PTPRD: variants seen among roughly 807,000 people sequenced by gnomAD.
The protein encoded by PTPRD is receptor-type tyrosine-protein phosphatase delta.
PTPRD carries 34 observed loss-of-function variants against 214.5 expected under a neutral mutation model. The observed-to-expected ratio is 0.16, with a 90% CI of 0.12 to 0.21. The LOEUF is 0.21. PTPRD is among the 10% of genes least tolerant of loss of function. PTPRD has a pLI of 1.00. For synonymous variants in PTPRD, 1,128 were observed against 845.7 expected, an observed-to-expected ratio of 1.33 and a Z score of -5.79; for missense variants, 2,545 against 2,398.7, an observed-to-expected ratio of 1.06 and a Z score of -1.27.
chr9:8,819,552 T>C (rs866071422), intron 11 of PTPRD, among the ~76,000 whole-genome samples: 2 of 152,130 alleles, frequency 1.3e-5, no homozygotes, highest in African/African-American at 4.8e-5. Context: ...TCCCAGCTAC[T>C]TGAGAGGCTG....
At chr9:9,280,220 T>C (rs1308783446) in intron 9 of PTPRD, among the ~76,000 whole-genome samples, 7 of 151,252 alleles carry the variant, frequency 4.6e-5, no homozygotes, top group African/African-American at 4.8e-5. Flanking sequence ...AGAATCCATA[T>C]TGTGAAGGCA....
intron 2 of PTPRD, among the ~76,000 whole-genome samples, chr9:10,476,457 A>T (rs1303886799): frequency 1.3e-5 from 2 of 152,178 alleles, no homozygotes; most frequent in African/African-American, 4.8e-5. Flanking sequence ...TTCAAGGAGA[A>T]CTACAATCCA....
At chr9:10,105,396 G>A (rs1229014022) in intron 3 of PTPRD, among the ~76,000 whole-genome samples, 1 of 151,862 alleles carries the variant, frequency 6.6e-6, no homozygotes, top group Admixed American at 6.6e-5. Context: ...AGGTAGAAAA[G>A]CTACATTTAG....
At chr9:9,001,525 C>A (rs1229669350) in intron 11 of PTPRD, among the ~76,000 whole-genome samples, 1 of 151,964 alleles carries the variant, frequency 6.6e-6, no homozygotes, top group African/African-American at 2.4e-5. Context: ...ATAAATGGCA[C>A]CACAGGCTTC....
chr9:10,231,989 A>AGAGAGAGAGAGAGAGAGAGTGT (rs1245284728), intron 3 of PTPRD, among the ~76,000 whole-genome samples: 1 of 92,436 alleles, frequency 1.1e-5, no homozygotes, highest in African/African-American at 5.3e-5. Flanking sequence ...AGAGAGAGAG[A>AGAGAGAGAGAGAGAGAGAGTGT]GTGTGTGTGT....
At chr9:8,589,826 T>C (rs2093960636) in intron 14 of PTPRD, among the ~76,000 whole-genome samples, 2 of 152,180 alleles carry the variant, frequency 1.3e-5, no homozygotes, top group African/African-American at 4.8e-5. Flanking sequence ...TTATAATGTT[T>C]TGTAGATTGC....
intron 8 of PTPRD, among the ~76,000 whole-genome samples, chr9:9,412,457 T>C (rs2075755054): frequency 6.6e-6 from 1 of 152,078 alleles, no homozygotes; most frequent in African/African-American, 2.4e-5. Flanking sequence ...TGGGCACAGA[T>C]AGAGACTCTC....
intron 9 of PTPRD, among the ~76,000 whole-genome samples, chr9:9,225,346 C>T (rs1475643793): frequency 6.6e-6 from 1 of 152,004 alleles, no homozygotes; most frequent in Non-Finnish European, 1.5e-5. Context: ...ATAAGACACA[C>T]TGAACAAGCC....
chr9:8,876,160 T>G (rs1381984880), intron 11 of PTPRD, among the ~76,000 whole-genome samples: 2 of 152,280 alleles, frequency 1.3e-5, no homozygotes, highest in South Asian at 2.1e-4. Flanking sequence ...TTCCACCAGT[T>G]TTGTTCTAAT....
At chr9:9,580,569 G>C (rs1363546831) in intron 7 of PTPRD, among the ~76,000 whole-genome samples, 1 of 111,800 alleles carries the variant, frequency 8.9e-6, no homozygotes, top group East Asian at 2.6e-4. Context: ...TTTTTTTTGA[G>C]ACAGAGTCTT....
intron 2 of PTPRD, among the ~76,000 whole-genome samples, chr9:10,398,565 TG>T (rs2098215756): frequency 6.6e-6 from 1 of 152,002 alleles, no homozygotes; most frequent in Non-Finnish European, 1.5e-5. Context: ...GTGCTAGATA[TG>T]GACCCTGGCA....
intron 3 of PTPRD, among the ~76,000 whole-genome samples, chr9:10,205,045 A>AT (rs61140502): frequency 0.56 from 84,872 of 151,980 alleles, 26,891 homozygotes; most frequent in African/African-American, 0.88. Context: ...ACTTTGCATT[A>AT]TTTTGAGAAG....
intron 9 of PTPRD, among the ~76,000 whole-genome samples, chr9:9,204,993 G>A (rs1023878606): frequency 2.0e-5 from 3 of 152,118 alleles, no homozygotes; most frequent in Admixed American, 6.5e-5. Flanking sequence ...ATTGAAGAAT[G>A]CAAATTAATT....
At chr9:9,190,310 A>G (rs2099934319) in intron 9 of PTPRD, among the ~76,000 whole-genome samples, 1 of 152,018 alleles carries the variant, frequency 6.6e-6, no homozygotes, top group Admixed American at 6.6e-5. Flanking sequence ...GAATTCCCAC[A>G]TGTCGTGGGA....
intron 3 of PTPRD, among the ~76,000 whole-genome samples, chr9:10,050,365 C>T (rs934624476): frequency 5.9e-5 from 9 of 151,356 alleles, no homozygotes; most frequent in African/African-American, 1.7e-4. Flanking sequence ...GGAGACCAGC[C>T]TGGCCAATAT....
At chr9:9,891,720 G>T (rs2073407185) in intron 5 of PTPRD, among the ~76,000 whole-genome samples, 4 of 151,950 alleles carry the variant, frequency 2.6e-5, no homozygotes, top group Admixed American at 2.0e-4. Context: ...GAGAAATATT[G>T]AGATGTTTTA....
chr9:10,015,628 C>A (rs946863060), intron 4 of PTPRD, among the ~76,000 whole-genome samples: 1 of 152,084 alleles, frequency 6.6e-6, no homozygotes, highest in African/African-American at 2.4e-5. Context: ...AAATTGTGTA[C>A]TTACTTGCAA....
At chr9:10,106,013 CAAAAAAAAAAAAAA>C (rs35421883) in intron 3 of PTPRD, among the ~76,000 whole-genome samples, 2 of 56,670 alleles carry the variant, frequency 3.5e-5, no homozygotes, top group Admixed American at 2.1e-4. Context: ...ATCACATATT[CAAAAAAAAAAAAAA>C]AAAAAAAAAA....
At chr9:8,330,888 C>A (rs1839875934) in intron 44 of PTPRD, among the ~76,000 whole-genome samples, 1 of 149,852 alleles carries the variant, frequency 6.7e-6, no homozygotes, top group African/African-American at 2.5e-5. Flanking sequence ...TTGCCAGAAC[C>A]CTAAAATATA....
Sources: gnomAD v4.1 joint callset for allele counts (sites outside exome capture counted in the v4.1 genomes callset) on GRCh38, gnomAD v4.1.1 for gene constraint, MANE v1.5 for transcripts, NCBI Gene and HGNC (gene_info 2026-07-23, HGNC 2026-07-21) for gene names.